FCRL3: variants seen among roughly 807,000 people sequenced by gnomAD.
FCRL3 encodes Fc receptor-like protein 3.
In FCRL3, 89 loss-of-function variants were observed where a neutral mutation model predicts 75.0. The observed-to-expected ratio is 1.19, with a 90% CI of 1.00 to 1.42. The LOEUF (loss-of-function observed/expected upper bound fraction) is 1.42, where lower values mean the gene tolerates loss of function less well. Ranked by LOEUF, FCRL3 falls within the 40% of genes most tolerant of loss-of-function variation. FCRL3 has a pLI of 0.00. For missense variants in FCRL3, 946 were observed against 880.0 expected (o/e 1.07, Z -0.95); for synonymous variants, 376 against 348.5 (o/e 1.08, Z -0.88).
At chr1:157,679,361 T>C (rs868581540) in intron 13 of FCRL3, among the ~76,000 whole-genome samples, 1 of 152,186 alleles carries the variant, frequency 6.6e-6, no homozygotes, top group South Asian at 2.1e-4. Flanking sequence ...ATGGCTGTAT[T>C]GATCCTCTGG....
Position 157,678,265 on chromosome 1 carries a change from T to C in FCRL3, c.*445A>G. On this transcript the variant is annotated 3_prime_UTR_variant, in exon 15 of 15. Coordinates refer to ENST00000368184, the MANE Select transcript of FCRL3 (RefSeq NM_052939.4). Reference sequence around the variant, plus strand: ...AATATGGTAGCAAGGATACAGCATATACACCAAAACATCAGCAATGCCACT... The same window carrying C: ...AATATGGTAGCAAGGATACAGCATACACACCAAAACATCAGCAATGCCACT... 2.0e-6 allele frequency: 2 copies of C among 1,004,794 alleles called. No homozygotes were observed. Among genetic ancestry groups the C allele is most frequent in the South Asian group, 4.3e-5 (1 of 22,996 alleles). The allele number at this position is 1,004,794 out of a possible 1,614,324, so 62.2% of individuals were successfully genotyped here.
chr1:157,678,590 C>T lies in FCRL3; in HGVS notation c.*120G>A, dbSNP rs1654612752. ...TTTGCAGACCTTTTGCTCAGCCTCA[C>T]ATACCCTGCAGCCCAGCCTCGTAGG... On this transcript the variant is annotated 3_prime_UTR_variant, in exon 15 of 15. Transcript: ENST00000368184. 6.5e-7 allele frequency: 1 copy of T among 1,535,778 alleles called. No individual in the cohort carries two copies. Among genetic ancestry groups the T allele is most frequent in the African/African-American group, 1.4e-5 (1 of 72,914 alleles).
Position 157,698,515 on chromosome 1 carries a change from G to A in FCRL3, c.167C>T (p.Thr56Ile), listed in dbSNP as rs753184362. Residue 56 changes from threonine (T) to isoleucine (I), a missense_variant, in exon 4 of 15, where the codon ACA becomes ATA. Transcript: ENST00000368184. ...SISHSLAQGD[T>I]YWYHDEKLLK... is the part of the protein sequence containing the mutation. ...CAACTTCTCATCGTGATACCAATAT[G>A]TGTCTCCCTGGGCTAGGGAATGTGA... The A allele has an allele frequency of 2.5e-6, 4 of 1,614,210 alleles. No individual in the cohort carries two copies. Among genetic ancestry groups the A allele is most frequent in the East Asian group, 2.2e-5 (1 of 44,888 alleles).
In FCRL3 at chr1:157,693,135, C is replaced by T. The variant is rs113569622; in HGVS notation, c.1411+2194G>A. On this transcript the variant is annotated intron_variant, in intron 8 of 14. Transcript: ENST00000368184. Reference sequence around the variant, plus strand: ...TACTAAAAATACAAAATTTGCAGGGCGTGGTAGCCTGCCTCTGTAATCCTA... The same window carrying T: ...TACTAAAAATACAAAATTTGCAGGGTGTGGTAGCCTGCCTCTGTAATCCTA... 8.6e-5 allele frequency among the ~76,000 whole-genome samples: 13 copies of T among 151,854 alleles called. No individual in the cohort carries two copies. In the South Asian group the frequency reaches 2.3e-3, roughly 27 times the overall value.
chr1:157,696,283 C>G lies in FCRL3; in HGVS notation c.889G>C (p.Gly297Arg), dbSNP rs149701662. 7.2e-5 allele frequency: 117 copies of G among 1,613,956 alleles called. No homozygotes were observed. Among genetic ancestry groups the G allele is most frequent in the Non-Finnish European group, 9.6e-5 (113 of 1,180,022 alleles). The change falls in exon 7 of 15, where the codon GGG becomes CGG. Residue 297 changes from glycine (G) to arginine (R), a missense_variant. Transcript: ENST00000368184. ...NVNLEIRPTG[G>R]QLIEGENMVL... Reference sequence around the variant, plus strand: ...ATATTTTCTCCTTCAATCAGCTGCCCTCCGGTGGGCCGGATCTCTAGATTC... The same window carrying G: ...ATATTTTCTCCTTCAATCAGCTGCCGTCCGGTGGGCCGGATCTCTAGATTC...
In FCRL3 at chr1:157,677,703, G is replaced by A; in HGVS notation, c.*1007C>T. 9.5e-6 allele frequency: 7 copies of A among 733,812 alleles called. No individual in the cohort carries two copies. Among genetic ancestry groups the A allele is most frequent in the Non-Finnish European group, 1.2e-5 (7 of 601,004 alleles). 45.5% of individuals were successfully genotyped at this position (733,812 alleles called of 1,614,324 possible). A position where few individuals can be genotyped will look rare whatever the true frequency, so the allele number is the denominator to read the frequency against. On this transcript the variant is annotated 3_prime_UTR_variant, in exon 15 of 15. Transcript: ENST00000368184. The stretch of plus-strand genomic sequence containing the variant: ...CACGCAACAATATGGATGAATCTTA[G>A]AAATACAACATGAAGAGAAAGTACT...
Position 157,683,252 on chromosome 1 carries a change from A to G in FCRL3, c.1811-8T>C. On this transcript the variant is annotated splice_polypyrimidine_tract_variant and splice_region_variant and intron_variant, in intron 10 of 14. Coordinates refer to ENST00000368184, the MANE Select transcript of FCRL3 (RefSeq NM_052939.4). ...CAGTGGCAGAAAGTCCTCCTGCAAAACAAACAAAGGAAGGTTGGTGGTAAG... is the reference window on the plus strand; with the variant it reads ...CAGTGGCAGAAAGTCCTCCTGCAAAGCAAACAAAGGAAGGTTGGTGGTAAG... 1 of 1,613,622 alleles carries G rather than the reference A, an allele frequency of 6.2e-7. No individual in the cohort carries two copies. The highest frequency in any genetic ancestry group is 1.3e-5 in the African/African-American group (1 of 75,006).
In FCRL3 at chr1:157,680,964, C is replaced by G. The variant is rs780872733; in HGVS notation, c.1957+17G>C. 1.3e-6 allele frequency: 2 copies of G among 1,564,752 alleles called. No individual in the cohort carries two copies. Among genetic ancestry groups the G allele is most frequent in the Admixed American group, 1.9e-5 (1 of 52,254 alleles). ...TGGCTCCTCCCTAGAGCCTTCTGCC[C>G]CCTAGGGAGTCCTCACCATTGCTGT... On this transcript the variant is annotated intron_variant, in intron 12 of 14. Coordinates refer to ENST00000368184, the MANE Select transcript of FCRL3 (RefSeq NM_052939.4).
Position 157,690,327 on chromosome 1 carries a change from C to A in FCRL3, c.1618G>T (p.Gly540Ter). 1 of 1,614,220 alleles carries A rather than the reference C, an allele frequency of 6.2e-7. No individual in the cohort carries two copies. The highest frequency in any genetic ancestry group is 8.5e-7 in the Non-Finnish European group (1 of 1,180,032). The stretch of plus-strand genomic sequence containing the variant: ...TTGTCAGCCTCACATGAGTAGTTTC[C>A]AGAATGTTCTGTAGTCAGAGAGAGG... ...FNLSLTTEHS[G>*]NYSCEADNGL... Residue 540 changes from glycine to a stop codon, truncating the protein, a stop_gained, in exon 9 of 15, where the codon GGA (glycine) becomes TGA (stop). Transcript: ENST00000368184. LOFTEE classifies it high-confidence loss of function.
Position 157,677,005 on chromosome 1 carries a change from C to A in FCRL3, c.*1705G>T, listed in dbSNP as rs575292553. 2.5e-5 allele frequency: 33 copies of A among 1,307,410 alleles called. No individual in the cohort carries two copies. Among genetic ancestry groups the A allele is most frequent in the Non-Finnish European group, 4.9e-6 (5 of 1,019,976 alleles). The allele number at this position is 1,307,410 out of a possible 1,614,324, so 81.0% of individuals were successfully genotyped here. On this transcript the variant is annotated 3_prime_UTR_variant, in exon 15 of 15. Transcript: ENST00000368184. ...CAGAGACATTTGCCTCCTCCCTCTTCAAGGGACCTTAAAATTTTAATGCCA... is the reference window on the plus strand; with the variant it reads ...CAGAGACATTTGCCTCCTCCCTCTTAAAGGGACCTTAAAATTTTAATGCCA...
chr1:157,697,486 A>G (rs1160018605), intron 5 of FCRL3, 62 bp from the exon 6 acceptor site: 1 of 1,498,330 alleles, frequency 6.7e-7, no homozygotes, highest in Admixed American at 2.3e-5. Context: ...AGAGAGATGC[A>G]TTTGTCATCT....
chr1:157,677,302 T>C lies in FCRL3; in HGVS notation c.*1408A>G. On this transcript the variant is annotated 3_prime_UTR_variant, in exon 15 of 15. Transcript: ENST00000368184. Reference sequence around the variant, plus strand: ...TGTAGTGTATCTCCAGAAATGGTGATTGTTTGAATGCATGTAAGACATTCC... The same window carrying C: ...TGTAGTGTATCTCCAGAAATGGTGACTGTTTGAATGCATGTAAGACATTCC... 1.0e-6 allele frequency: 1 copy of C among 988,386 alleles called. No individual in the cohort carries two copies. The highest frequency in any genetic ancestry group is 1.2e-6 in the Non-Finnish European group (1 of 831,618). The allele number at this position is 988,386 out of a possible 1,614,324, so 61.2% of individuals were successfully genotyped here. A position where few individuals can be genotyped will look rare whatever the true frequency, so the allele number is the denominator to read the frequency against.
At chr1:157,688,821 A>C (rs1200038541) in intron 10 of FCRL3, among the ~76,000 whole-genome samples, 1 of 152,212 alleles carries the variant, frequency 6.6e-6, no homozygotes, top group Admixed American at 6.5e-5. Flanking sequence ...AAATTTTAGC[A>C]AATCAAATCA....
chr1:157,682,921 C>T lies in FCRL3; in HGVS notation c.1838+296G>A, dbSNP rs150657657. Among the ~76,000 whole-genome samples, 44 of 152,214 alleles carry T rather than the reference C, an allele frequency of 2.9e-4. No homozygotes were observed. The East Asian group carries it at 7.7e-3, about 27-fold the overall frequency. ...AGAAGGAAATGAATGCACTGTAGCC[C>T]TATGAAAGGTAATGCCATTAAGACA... On this transcript the variant is annotated intron_variant, in intron 11 of 14. Coordinates refer to ENST00000368184, the MANE Select transcript of FCRL3 (RefSeq NM_052939.4).
At position 157,697,903 on chromosome 1, in the gene FCRL3, C is replaced by G. The variant is rs140491666; in HGVS notation, c.315G>C (p.Gln105His). The change falls in exon 5 of 15, where the codon CAG becomes CAC. Residue 105 changes from glutamine to histidine, a missense_variant. Transcript: ENST00000368184. The stretch of plus-strand genomic sequence containing the variant: ...CTCCTTCAAAGACAGGATGTAAAGC[C>G]TGCAGGATCAGCCAGTCTGCAAAGA... ...VEFSPDWLIL[Q>H]ALHPVFEGDN... The G allele has an allele frequency of 2.0e-4, 323 of 1,613,870 alleles. 1 individual carries two copies. The highest frequency in any genetic ancestry group is 1.2e-3 in the South Asian group (108 of 91,080).
At chr1:157,698,026 G>T in intron 4 of FCRL3, 107 bp from the exon 5 acceptor site, 1 of 1,309,070 alleles carries the variant, frequency 7.6e-7, no homozygotes, top group African/African-American at 1.5e-5. Flanking sequence ...ACCTGCAAAT[G>T]GCCCCCACCC....
chr1:157,691,261 C>A (rs1362298971), intron 8 of FCRL3, among the ~76,000 whole-genome samples: 2 of 152,092 alleles, frequency 1.3e-5, no homozygotes, highest in East Asian at 3.9e-4. Context: ...AAAGAAATGG[C>A]ATAGTGGGAA....
At chr1:157,679,069 A>T (rs1654651282) in intron 13 of FCRL3, 96 bp from the exon 14 acceptor site, 4 of 1,362,474 alleles carry the variant, frequency 2.9e-6, no homozygotes. Flanking sequence ...AATCTTCTTG[A>T]TTTGCTTGAT....
At chr1:157,700,422 A>C (rs777796535) in intron 2 of FCRL3, 37 bp downstream of exon 2, 1 of 1,613,780 alleles carries the variant, frequency 6.2e-7, no homozygotes, top group African/African-American at 1.3e-5. Flanking sequence ...ACCTTTAGGA[A>C]CTGAGGCCGT....
Sources: gnomAD v4.1 joint callset for allele counts (sites outside exome capture counted in the v4.1 genomes callset) on GRCh38, gnomAD v4.1.1 for gene constraint, MANE v1.5 for transcripts, NCBI Gene and HGNC (gene_info 2026-07-23, HGNC 2026-07-21) for gene names.